PCDHA5: variants seen among roughly 807,000 people sequenced by gnomAD.
PCDHA5 encodes the protein protocadherin alpha 5.
In PCDHA5, 43 loss-of-function variants were observed where a neutral mutation model predicts 61.6. The observed-to-expected ratio is 0.70, with a 90% CI of 0.55 to 0.90. The LOEUF (loss-of-function observed/expected upper bound fraction) is 0.90. Ranked by LOEUF, PCDHA5 falls within the 40% of genes least tolerant of loss-of-function variation. PCDHA5 has a pLI of 0.00. For synonymous variants in PCDHA5, 627 were observed against 543.9 expected (o/e 1.15, Z -2.13); for missense variants, 1,298 against 1,222.7 (o/e 1.06, Z -0.92).
intron 1 of PCDHA5, chr5:140,870,708 C>A (rs781841032): frequency 1.9e-6 from 3 of 1,613,016 alleles, no homozygotes; most frequent in East Asian, 4.5e-5. Context: ...TCCAGGTGAG[C>A]GCGCGCGATG....
chr5:140,913,103 G>A (rs2076206771), intron 1 of PCDHA5, among the ~76,000 whole-genome samples: 1 of 152,144 alleles, frequency 6.6e-6, no homozygotes, highest in Admixed American at 6.5e-5. Context: ...TGGCCTCATA[G>A]AATCAGTTTG....
intron 1 of PCDHA5, chr5:140,830,278 G>T (rs2150184095): frequency 1.9e-6 from 3 of 1,613,832 alleles, no homozygotes; most frequent in East Asian, 4.5e-5. Flanking sequence ...CACCCACCGA[G>T]GGCGCGTGCA....
chr5:140,891,934 T>C lies in PCDHA5; in HGVS notation c.2352+67807T>C, dbSNP rs373423866. Among the ~76,000 whole-genome samples the C allele has an allele frequency of 5.9e-5, 9 of 152,230 alleles. No homozygotes were observed. The East Asian group carries it at 9.6e-4, about 16-fold the overall frequency. ...AGATGCTGGTGCCTTGATCTTGGAC[T>C]TCCCCTAGGCTCCAGAATTGTGAGA... On this transcript the variant is annotated intron_variant, in intron 1 of 3. Transcript: ENST00000529859.
intron 1 of PCDHA5, among the ~76,000 whole-genome samples, chr5:140,941,995 T>C (rs1243854944): frequency 6.6e-6 from 1 of 152,234 alleles, no homozygotes; most frequent in Non-Finnish European, 1.5e-5. Context: ...AAGGGATTCA[T>C]ATCTCTTATT....
chr5:140,853,569 G>A lies in PCDHA5; in HGVS notation c.2352+29442G>A. On this transcript the variant is annotated intron_variant, in intron 1 of 3. Transcript: ENST00000529859. ...ATTACTATATAGGAAAAACTAAGTT[G>A]TCACCCAATATCTTAGACACTTTGA... 1.3e-5 allele frequency: 13 copies of A among 981,402 alleles called. 1 individual carries two copies. The highest frequency in any genetic ancestry group is 1.6e-5 in the Non-Finnish European group (13 of 813,896). 60.8% of individuals were successfully genotyped at this position (981,402 alleles called of 1,614,324 possible).
rs144129472 is a variant in PCDHA5, at chr5:140,829,658, C to T, written c.2352+5531C>T. ...CGGCAAGGTGTACGCGCTGCAGCCG[C>T]TGGACCACGAGGAGCTAGAGCTGCT... On this transcript the variant is annotated intron_variant, in intron 1 of 3. Transcript: ENST00000529859. 146 of 1,612,562 alleles carry T rather than the reference C, an allele frequency of 9.1e-5. 1 individual carries two copies. The African/African-American group carries it at 1.1e-3, about 12-fold the overall frequency.
At chr5:140,949,336 A>G (rs1585327315) in intron 1 of PCDHA5, among the ~76,000 whole-genome samples, 1 of 151,920 alleles carries the variant, frequency 6.6e-6, no homozygotes, top group South Asian at 2.1e-4. Context: ...ATTGTTATCC[A>G]GATTTTCTGT....
intron 1 of PCDHA5, among the ~76,000 whole-genome samples, chr5:140,902,886 A>G (rs192404879): frequency 3.9e-5 from 6 of 152,276 alleles, no homozygotes; most frequent in Non-Finnish European, 7.4e-5. Flanking sequence ...TGCAAAAGCT[A>G]TTATTTTATT....
chr5:140,853,632 CA>C, intron 1 of PCDHA5: 1 of 988,598 alleles, frequency 1.0e-6, no homozygotes, highest in South Asian at 4.7e-5. Flanking sequence ...TACAAGATCA[CA>C]GACCTAAATT....
chr5:140,907,733 A>C (rs2073566986), intron 1 of PCDHA5, among the ~76,000 whole-genome samples: 1 of 152,162 alleles, frequency 6.6e-6, no homozygotes, highest in Non-Finnish European at 1.5e-5. Context: ...CATCCCTGCC[A>C]CCATGGCCAC....
chr5:140,857,861 T>A lies in PCDHA5; in HGVS notation c.2352+33734T>A, dbSNP rs890760526. 6.3e-7 allele frequency: 1 copy of A among 1,597,494 alleles called. No homozygotes were observed. The highest frequency in any genetic ancestry group is 2.2e-5 in the East Asian group (1 of 44,806). ...GGACGCTGACTCTGGATACAACGCGTGGCTGTCGTATGAATTGCAGTCGGC... is the reference window on the plus strand; with the variant it reads ...GGACGCTGACTCTGGATACAACGCGAGGCTGTCGTATGAATTGCAGTCGGC... On this transcript the variant is annotated intron_variant, in intron 1 of 3. Transcript: ENST00000529859.
Position 140,848,412 on chromosome 5 carries a change from A to G in PCDHA5, c.2352+24285A>G. ...CTCTGTGCTGAACGATGGCGAACAC[A>G]GCAGAATGGGACTGACGAAATCAGA... On this transcript the variant is annotated intron_variant, in intron 1 of 3. Coordinates refer to ENST00000529859, the MANE Select transcript of PCDHA5 (RefSeq NM_018908.3). 2 of 1,379,818 alleles carry G rather than the reference A, an allele frequency of 1.4e-6. 1 individual carries two copies. Among genetic ancestry groups the G allele is most frequent in the Non-Finnish European group, 2.0e-6 (2 of 1,001,964 alleles). 85.5% of individuals were successfully genotyped at this position (1,379,818 alleles called of 1,614,324 possible).
intron 1 of PCDHA5, chr5:140,967,093 G>T: frequency 6.2e-7 from 1 of 1,613,122 alleles, no homozygotes; most frequent in Non-Finnish European, 8.5e-7. Flanking sequence ...ATCGGGAGGC[G>T]CTGTGTGAGC....
chr5:140,927,071 G>A lies in PCDHA5; in HGVS notation c.2353-51878G>A. 3 of 1,611,088 alleles carry A rather than the reference G, an allele frequency of 1.9e-6. No homozygotes were observed. The highest frequency in any genetic ancestry group is 2.5e-6 in the Non-Finnish European group (3 of 1,177,862). On this transcript the variant is annotated intron_variant, in intron 1 of 3. Transcript: ENST00000529859. ...TCGCGGAACTTTCGCTTCCTTTCCAGCCACCGCGAGCTCTACTTCGGGGTG... is the reference window on the plus strand; with the variant it reads ...TCGCGGAACTTTCGCTTCCTTTCCAACCACCGCGAGCTCTACTTCGGGGTG...
At position 140,925,289 on chromosome 5, in the gene PCDHA5, G is replaced by T. The variant is rs190990360; in HGVS notation, c.2353-53660G>T. Among the ~76,000 whole-genome samples, 1,224 of 152,222 alleles carry T rather than the reference G, an allele frequency of 8.0e-3. 6 individuals carry two copies. The highest frequency in any genetic ancestry group is 0.019 in the African/African-American group (790 of 41,540). On this transcript the variant is annotated intron_variant, in intron 1 of 3. Coordinates refer to ENST00000529859, the MANE Select transcript of PCDHA5 (RefSeq NM_018908.3). The stretch of plus-strand genomic sequence containing the variant: ...TGTGTTCAGATTTTGCCTTTCAAAT[G>T]TTTCATTATTGGGGCTTTGGACATA...
intron 1 of PCDHA5, among the ~76,000 whole-genome samples, chr5:140,942,139 A>G (rs1211983428): frequency 6.6e-6 from 1 of 152,248 alleles, no homozygotes; most frequent in African/African-American, 2.4e-5. Flanking sequence ...TTGTGGCTTT[A>G]CTTGACATAA....
chr5:140,986,236 T>C (rs1213371307), intron 3 of PCDHA5, among the ~76,000 whole-genome samples: 1 of 152,170 alleles, frequency 6.6e-6, no homozygotes. Flanking sequence ...CCCCTCTGTG[T>C]GAGCAGACCC....
chr5:140,964,251 T>A (rs2095820730), intron 1 of PCDHA5, among the ~76,000 whole-genome samples: 2 of 152,330 alleles, frequency 1.3e-5, no homozygotes, highest in Non-Finnish European at 1.5e-5. Flanking sequence ...TGGCTTTATA[T>A]TTGACTCCTT....
chr5:140,994,318 C>G (rs782231160), intron 3 of PCDHA5, among the ~76,000 whole-genome samples: 18 of 152,300 alleles, frequency 1.2e-4, no homozygotes, highest in Non-Finnish European at 1.6e-4. Context: ...CCCAAACACT[C>G]TCAGCAACCA....
Sources: gnomAD v4.1 joint callset for allele counts (sites outside exome capture counted in the v4.1 genomes callset) on GRCh38, gnomAD v4.1.1 for gene constraint, MANE v1.5 for transcripts, NCBI Gene and HGNC (gene_info 2026-07-23, HGNC 2026-07-21) for gene names.